The following CTSC variants were observed in gnomAD, a reference collection of about 807,000 sequenced individuals.
CTSC encodes the protein cathepsin C.
In CTSC, 37 loss-of-function variants were observed where a neutral mutation model predicts 40.9. That is an observed-to-expected ratio of 0.91 (90% CI 0.70 to 1.19). The LOEUF is 1.19. Among genes scored for constraint, CTSC ranks in the 50% most tolerant of loss-of-function variants. The probability of loss-of-function intolerance (pLI) is 0.00; values close to 1 mark genes in which losing one functional copy is unlikely to be tolerated. For synonymous variants in CTSC, 232 were observed against 207.4 expected (o/e 1.12, Z -1.02); for missense variants, 594 against 567.3 (o/e 1.05, Z -0.48).
At chr11:88,324,039 C>G (rs1318032841) in intron 2 of CTSC, 1 of 152,008 alleles carries the variant, frequency 6.6e-6, no homozygotes, top group Non-Finnish European at 1.5e-5. Flanking sequence ...ACCAAAAAAG[C>G]ATGGTACAAA....
intron 1 of CTSC, among the ~76,000 whole-genome samples, chr11:88,336,543 A>T (rs1938501537): frequency 6.6e-6 from 1 of 151,742 alleles, no homozygotes; most frequent in Non-Finnish European, 1.5e-5. Flanking sequence ...CATTCTCAAA[A>T]AAAAAAAAAA....
In CTSC at chr11:88,324,304, A is replaced by G. The variant is rs1938117207; in HGVS notation, c.318+10633T>C. 6.9e-6 allele frequency: 6 copies of G among 872,638 alleles called. No homozygotes were observed. In the South Asian group the frequency reaches 2.6e-4, roughly 39 times the overall value. The allele number at this position is 872,638 out of a possible 1,614,324, so 54.1% of individuals were successfully genotyped here. ...AAAACCCAAAACAATAAAACACCCT[A>G]GAAGAAAATCTAGGAATGCCATTGA... On this transcript the variant is annotated intron_variant, in intron 2 of 6. Coordinates refer to ENST00000227266, the MANE Select transcript of CTSC (RefSeq NM_001814.6).
At chr11:88,328,125 C>CA in intron 2 of CTSC, 1 of 1,612,940 alleles carries the variant, frequency 6.2e-7, no homozygotes, top group Non-Finnish European at 8.5e-7. Flanking sequence ...GTTTGTTCCT[C>CA]AGATGTGGCA....
At chr11:88,325,780 A>G in intron 2 of CTSC, 1 of 985,842 alleles carries the variant, frequency 1.0e-6, no homozygotes, top group Non-Finnish European at 1.2e-6. Flanking sequence ...GAAGTATACT[A>G]TAGCAGTCTG....
rs527236479 is a variant in CTSC, at chr11:88,303,179, A to C, written c.642-2534T>G. On this transcript the variant is annotated intron_variant, in intron 4 of 6. Transcript: ENST00000227266. The stretch of plus-strand genomic sequence containing the variant: ...ACTGAACACTATCAACTGTCAACAC[A>C]AAAGACTTCTGTGATCAAATGCATG... 7.2e-5 allele frequency among the ~76,000 whole-genome samples: 11 copies of C among 152,362 alleles called. No homozygotes were observed. The South Asian group carries it at 2.1e-3, about 29-fold the overall frequency.
At chr11:88,305,800 T>C (rs1235366485) in intron 4 of CTSC, among the ~76,000 whole-genome samples, 1 of 152,202 alleles carries the variant, frequency 6.6e-6, no homozygotes, top group Non-Finnish European at 1.5e-5. Context: ...AGCCCTTGTC[T>C]AAAACAAAAG....
intron 3 of CTSC, among the ~76,000 whole-genome samples, chr11:88,311,909 A>C (rs934550769): frequency 3.9e-5 from 6 of 152,342 alleles, no homozygotes; most frequent in African/African-American, 1.4e-4. Flanking sequence ...GTGAAAAAAC[A>C]ACCTTCCTTA....
At chr11:88,323,728 G>A (rs866276969) in intron 2 of CTSC, 2 of 152,014 alleles carry the variant, frequency 1.3e-5, no homozygotes, top group African/African-American at 4.8e-5. Context: ...ATCTCTTCAA[G>A]GAGAACTACA....
At position 88,328,111 on chromosome 11, in the gene CTSC, C is replaced by T. The variant is rs772377996; in HGVS notation, c.318+6826G>A. The T allele has an allele frequency of 3.7e-6, 6 of 1,608,472 alleles. No homozygotes were observed. The South Asian group carries it at 6.6e-5, about 18-fold the overall frequency. On this transcript the variant is annotated intron_variant, in intron 2 of 6. Transcript: ENST00000227266. ...GTTAGAAATTTTTCAATGGAGCTCA[C>T]CCAGTTTGTTCCTCAGATGTGGCAA...
intron 2 of CTSC, among the ~76,000 whole-genome samples, chr11:88,313,968 G>C (rs888319077): frequency 3.3e-5 from 5 of 152,094 alleles, no homozygotes; most frequent in Non-Finnish European, 7.4e-5. Context: ...GCCATCAAAA[G>C]CAAGACTCAA....
At chr11:88,310,637 G>A (rs1937734014) in intron 3 of CTSC, among the ~76,000 whole-genome samples, 1 of 152,166 alleles carries the variant, frequency 6.6e-6, no homozygotes, top group Non-Finnish European at 1.5e-5. Context: ...GGTTGATAAT[G>A]TTTTAATGTT....
At chr11:88,304,910 C>T (rs545553774) in intron 4 of CTSC, among the ~76,000 whole-genome samples, 2 of 152,218 alleles carry the variant, frequency 1.3e-5, no homozygotes, top group South Asian at 4.1e-4. Context: ...CCAGCCTGGC[C>T]AACATGGCAA....
chr11:88,329,858 C>G (rs561354621), intron 2 of CTSC, among the ~76,000 whole-genome samples: 1 of 152,308 alleles, frequency 6.6e-6, no homozygotes, highest in Non-Finnish European at 1.5e-5. Context: ...TCCCAAGTAA[C>G]TGGGACTACA....
chr11:88,299,636 G>A (rs1448436115), intron 5 of CTSC: 1 of 152,110 alleles, frequency 6.6e-6, no homozygotes, highest in Non-Finnish European at 1.5e-5. Flanking sequence ...TAAAAGTTTA[G>A]GAAAGGGAAA....
At chr11:88,300,948 C>T (rs918305528) in intron 4 of CTSC, among the ~76,000 whole-genome samples, 36 of 152,162 alleles carry the variant, frequency 2.4e-4, no homozygotes, top group South Asian at 6.2e-4. Context: ...CATTCTTACT[C>T]ATTTTTGAAA....
At chr11:88,312,911 T>C (rs77477113) in intron 2 of CTSC, among the ~76,000 whole-genome samples, 1,725 of 152,248 alleles carry the variant, frequency 0.011, 38 homozygotes, top group African/African-American at 0.04. Context: ...CAGATGATAA[T>C]AACCACATTT....
At chr11:88,313,140 G>A (rs1160830410) in intron 2 of CTSC, among the ~76,000 whole-genome samples, 1 of 152,164 alleles carries the variant, frequency 6.6e-6, no homozygotes. Flanking sequence ...TGTGATCTTG[G>A]CTCACTGCAA....
At chr11:88,315,627 TAAATCTTACAGGTTCAAGAGAACACAGA>T (rs1937858814) in intron 2 of CTSC, among the ~76,000 whole-genome samples, 2 of 152,172 alleles carry the variant, frequency 1.3e-5, no homozygotes, top group East Asian at 3.8e-4. Flanking sequence ...AGATTACTCA[TAAATCTTACAGGTTCAAGAGAACACAGA>T]AATGATATAG....
chr11:88,297,567 G>C (rs1944312392), intron 5 of CTSC: 1 of 152,200 alleles, frequency 6.6e-6, no homozygotes, highest in African/African-American at 2.4e-5. Context: ...AGCAGCCATG[G>C]AAATAATCTC....
Sources: gnomAD v4.1 joint callset for allele counts (sites outside exome capture counted in the v4.1 genomes callset) on GRCh38, gnomAD v4.1.1 for gene constraint, MANE v1.5 for transcripts, NCBI Gene and HGNC (gene_info 2026-07-23, HGNC 2026-07-21) for gene names.